The following MBNL2 variants were observed in gnomAD, a reference collection of about 807,000 sequenced individuals.
MBNL2 encodes muscleblind-like protein 2.
A neutral mutation model predicts 41.9 loss-of-function variants in MBNL2; 17 were observed. The ratio of observed to expected loss-of-function variants is 0.41; its 90% CI spans 0.28 to 0.61. MBNL2 has a LOEUF of 0.61. Among genes scored for constraint, MBNL2 ranks in the 20% least tolerant of loss-of-function variants. The pLI is 0.35. For synonymous variants in MBNL2, 195 were observed against 182.9 expected (o/e 1.07, Z -0.53); for missense variants, 336 against 505.6 (o/e 0.66, Z 3.22).
the MBNL2 span, among the ~76,000 whole-genome samples, chr13:97,173,473 G>T: frequency 3.3e-5 from 5 of 152,148 alleles, no homozygotes; most frequent in African/African-American, 1.2e-4. Context: ...TAGTGTCTTG[G>T]CTCCAATGAC....
the MBNL2 span, among the ~76,000 whole-genome samples, chr13:97,193,350 C>T: frequency 9.2e-5 from 14 of 152,190 alleles, no homozygotes; most frequent in South Asian, 1.9e-3. Flanking sequence ...CAGTTGAGGG[C>T]GAGATGTGGC....
At chr13:97,310,154 G>T (rs893581708) in intron 2 of MBNL2, among the ~76,000 whole-genome samples, 3 of 152,126 alleles carry the variant, frequency 2.0e-5, no homozygotes, top group South Asian at 2.1e-4. Flanking sequence ...GGTTCTGATT[G>T]GGCTTGCAAA....
intron 3 of MBNL2, among the ~76,000 whole-genome samples, chr13:97,337,111 G>A (rs1280645603): frequency 6.6e-6 from 1 of 152,080 alleles, no homozygotes; most frequent in Non-Finnish European, 1.5e-5. Flanking sequence ...GATCCTGAGG[G>A]TGGAGCCCTC....
At chr13:97,307,204 T>C (rs946044512) in intron 2 of MBNL2, among the ~76,000 whole-genome samples, 14 of 152,148 alleles carry the variant, frequency 9.2e-5, no homozygotes, top group Admixed American at 8.5e-4. Flanking sequence ...TTATTTGACC[T>C]GCCATCCTAG....
intron 5 of MBNL2, among the ~76,000 whole-genome samples, chr13:97,352,439 G>A (rs756944979): frequency 1.3e-5 from 2 of 152,270 alleles, no homozygotes; most frequent in Non-Finnish European, 2.9e-5. Context: ...AGGGAATAGG[G>A]AGGCCTGAGG....
Position 97,311,649 on chromosome 13 carries a change from A to AT in MBNL2, c.175-22619dup, listed in dbSNP as rs35624324. Among the ~76,000 whole-genome samples the AT allele has an allele frequency of 2.7e-5, 4 of 150,338 alleles. No homozygotes were observed. The East Asian group carries it at 5.9e-4, about 22-fold the overall frequency. ...AGATAGCGTTGGATTTTTAGAGGGG[A>AT]TTTTTTTTCTTTTTTTTTTAAAAAA... is the stretch of plus-strand genomic sequence containing the variant. On this transcript the variant is annotated intron_variant, in intron 2 of 8. Transcript: ENST00000679496.
At chr13:97,335,158 C>T (rs754722738) in intron 3 of MBNL2, among the ~76,000 whole-genome samples, 2 of 152,122 alleles carry the variant, frequency 1.3e-5, no homozygotes, top group Non-Finnish European at 2.9e-5. Context: ...CCTGATTTCA[C>T]CCTGTCTGAA....
chr13:97,181,021 T>A, the MBNL2 span, among the ~76,000 whole-genome samples: 3 of 152,096 alleles, frequency 2.0e-5, no homozygotes, highest in African/African-American at 7.2e-5. Flanking sequence ...TTGGCTTATG[T>A]CTCCTTCTTC....
At chr13:97,239,088 A>T (rs1265198331) in intron 1 of MBNL2, among the ~76,000 whole-genome samples, 1 of 152,216 alleles carries the variant, frequency 6.6e-6, no homozygotes, top group Non-Finnish European at 1.5e-5. Flanking sequence ...CTAATCAAAC[A>T]CGATCTCTGT....
chr13:97,211,270 G>A, the MBNL2 span, among the ~76,000 whole-genome samples: 141 of 152,230 alleles, frequency 9.3e-4, 1 homozygote, highest in South Asian at 6.2e-3. Context: ...ACTGCTTTGC[G>A]AAATAAAATC....
chr13:97,291,787 C>T (rs967194233), intron 2 of MBNL2, among the ~76,000 whole-genome samples: 1 of 151,178 alleles, frequency 6.6e-6, no homozygotes, highest in African/African-American at 2.4e-5. Context: ...CCCAGCTACT[C>T]AGGAGGCTGA....
chr13:97,325,503 G>T (rs895658157), intron 2 of MBNL2, among the ~76,000 whole-genome samples: 4 of 152,134 alleles, frequency 2.6e-5, no homozygotes, highest in Non-Finnish European at 4.4e-5. Context: ...GGGCAAAGTG[G>T]GAGGATTGCT....
intron 2 of MBNL2, among the ~76,000 whole-genome samples, chr13:97,329,243 G>C (rs955215595): frequency 1.3e-5 from 2 of 152,120 alleles, no homozygotes; most frequent in African/African-American, 4.8e-5. Flanking sequence ...CTTGGAAGTA[G>C]AAACTGCACA....
chr13:97,241,200 G>A (rs2044214062), intron 1 of MBNL2, among the ~76,000 whole-genome samples: 1 of 152,122 alleles, frequency 6.6e-6, no homozygotes, highest in African/African-American at 2.4e-5. Flanking sequence ...TGCCTGTGTT[G>A]GAAGACTCAA....
upstream of MBNL2, among the ~76,000 whole-genome samples, chr13:97,219,634 G>C (rs749433101): frequency 6.6e-6 from 1 of 152,070 alleles, no homozygotes; most frequent in East Asian, 1.9e-4. Flanking sequence ...AAATCCCATC[G>C]TGAAGACTCC....
At chr13:97,152,393 A>C in the MBNL2 span, among the ~76,000 whole-genome samples, 2 of 152,280 alleles carry the variant, frequency 1.3e-5, no homozygotes, top group African/African-American at 4.8e-5. Context: ...GAAATACAAC[A>C]AATAAAATTT....
chr13:97,225,688 C>T (rs1465846691), intron 1 of MBNL2, among the ~76,000 whole-genome samples: 1 of 152,182 alleles, frequency 6.6e-6, no homozygotes, highest in African/African-American at 2.4e-5. Flanking sequence ...GGTCAAGAGT[C>T]AGGCCAGGCA....
chr13:97,375,251 C>T (rs1011638451), intron 8 of MBNL2, among the ~76,000 whole-genome samples: 1 of 152,212 alleles, frequency 6.6e-6, no homozygotes, highest in African/African-American at 2.4e-5. Context: ...CAAGGTCAGA[C>T]TGGACTGGGT....
At chr13:97,274,428 C>T (rs2051743537) in intron 1 of MBNL2, among the ~76,000 whole-genome samples, 1 of 151,950 alleles carries the variant, frequency 6.6e-6, no homozygotes, top group South Asian at 2.1e-4. Context: ...ACCCAGGAGG[C>T]AGAGGTTGCA....
Sources: gnomAD v4.1 joint callset for allele counts (sites outside exome capture counted in the v4.1 genomes callset) on GRCh38, gnomAD v4.1.1 for gene constraint, MANE v1.5 for transcripts, NCBI Gene and HGNC (gene_info 2026-07-23, HGNC 2026-07-21) for gene names.